Variants in ZSWIM5 observed in about 807,000 individuals in gnomAD.
ZSWIM5 encodes the protein zinc finger SWIM domain-containing protein 5.
ZSWIM5 carries 55 observed loss-of-function variants against 119.6 expected under a neutral mutation model. The ratio of observed to expected loss-of-function variants is 0.46; its 90% CI spans 0.37 to 0.58. The LOEUF (loss-of-function observed/expected upper bound fraction) is 0.58, where lower values mean the gene tolerates loss of function less well. Among genes scored for constraint, ZSWIM5 ranks in the 20% least tolerant of loss-of-function variants. The probability of loss-of-function intolerance (pLI) is 0.00; values close to 1 mark genes in which losing one functional copy is unlikely to be tolerated. For missense variants in ZSWIM5, 1,193 were observed against 1,512.8 expected, an observed-to-expected ratio of 0.79 and a Z score of 3.51; for synonymous variants, 537 against 606.9, an observed-to-expected ratio of 0.88 and a Z score of 1.69.
At chr1:45,079,601 G>A (rs1450117207) in intron 2 of ZSWIM5, among the ~76,000 whole-genome samples, 1 of 152,192 alleles carries the variant, frequency 6.6e-6, no homozygotes, top group Middle Eastern at 3.4e-3. Context: ...AGGTCACTTG[G>A]TGCTCTAGAC....
At chr1:45,200,141 T>C (rs1376124342) in intron 1 of ZSWIM5, among the ~76,000 whole-genome samples, 1 of 152,110 alleles carries the variant, frequency 6.6e-6, no homozygotes, top group Non-Finnish European at 1.5e-5. Context: ...TCAATAAACA[T>C]TTACTGAGCA....
At chr1:45,111,678 T>C (rs1422094918) in intron 1 of ZSWIM5, among the ~76,000 whole-genome samples, 1 of 152,250 alleles carries the variant, frequency 6.6e-6, no homozygotes, top group Admixed American at 6.5e-5. Flanking sequence ...TCCTCCACCT[T>C]CAATGCCAGC....
At chr1:45,029,214 T>C (rs867554254) in intron 11 of ZSWIM5, among the ~76,000 whole-genome samples, 23 of 152,270 alleles carry the variant, frequency 1.5e-4, no homozygotes, top group African/African-American at 4.3e-4. Flanking sequence ...AAAAAGATTT[T>C]ATACAAGTTC....
chr1:45,141,969 A>G (rs1453134506), intron 1 of ZSWIM5, among the ~76,000 whole-genome samples: 4 of 152,066 alleles, frequency 2.6e-5, no homozygotes, highest in African/African-American at 9.7e-5. Flanking sequence ...TTATATTACT[A>G]TATGAGAGGT....
chr1:45,199,294 CTTT>C (rs557544245), intron 1 of ZSWIM5, among the ~76,000 whole-genome samples: 2 of 139,944 alleles, frequency 1.4e-5, no homozygotes, highest in Non-Finnish European at 1.6e-5. Flanking sequence ...CTTCAATAGT[CTTT>C]TTTTTTTTTT....
At chr1:45,115,186 G>A (rs1285963098) in intron 1 of ZSWIM5, among the ~76,000 whole-genome samples, 2 of 152,214 alleles carry the variant, frequency 1.3e-5, no homozygotes, top group African/African-American at 4.8e-5. Context: ...GTGGCCGCCG[G>A]GCAGAGGGGC....
In ZSWIM5 at chr1:45,052,187, G is replaced by A. The variant is rs1370833223; in HGVS notation, c.1253-934C>T. Among the ~76,000 whole-genome samples, 6 of 150,028 alleles carry A rather than the reference G, an allele frequency of 4.0e-5. No individual in the cohort carries two copies. The East Asian group carries it at 7.9e-4, about 20-fold the overall frequency. ...ATTACAGGCATCCGCCACCATGCCC[G>A]GCTAATTTTTGTATTTTTAGTAGAG... On this transcript the variant is annotated intron_variant, in intron 4 of 13. Transcript: ENST00000359600.
chr1:45,133,116 T>C (rs1454538320), intron 1 of ZSWIM5, among the ~76,000 whole-genome samples: 1 of 152,226 alleles, frequency 6.6e-6, no homozygotes, highest in Non-Finnish European at 1.5e-5. Flanking sequence ...TATAATCTTT[T>C]GGGTATATAC....
chr1:45,074,600 TGGGTC>T (rs1645245005), intron 2 of ZSWIM5, among the ~76,000 whole-genome samples: 3 of 151,946 alleles, frequency 2.0e-5, no homozygotes, highest in Non-Finnish European at 4.4e-5. Flanking sequence ...TTTATTTATT[TGGGTC>T]ATCTCTCTTT....
chr1:45,149,023 C>T (rs1645779135), intron 1 of ZSWIM5, among the ~76,000 whole-genome samples: 2 of 152,056 alleles, frequency 1.3e-5, no homozygotes, highest in African/African-American at 2.4e-5. Context: ...AAGCCCAGCA[C>T]TTTAGAAAGC....
At chr1:45,177,600 T>G (rs763445997) in intron 1 of ZSWIM5, among the ~76,000 whole-genome samples, 23 of 152,118 alleles carry the variant, frequency 1.5e-4, no homozygotes, top group Non-Finnish European at 1.8e-4. Flanking sequence ...TCTCTGCTGC[T>G]TTATAAGACA....
chr1:45,127,602 A>C (rs560406451), intron 1 of ZSWIM5, among the ~76,000 whole-genome samples: 1 of 148,852 alleles, frequency 6.7e-6, no homozygotes, highest in South Asian at 2.1e-4. Flanking sequence ...GGCTAATTTA[A>C]AAAAAAAAAT....
chr1:45,114,510 G>A (rs116296996), intron 1 of ZSWIM5, among the ~76,000 whole-genome samples: 2 of 152,208 alleles, frequency 1.3e-5, no homozygotes, highest in East Asian at 1.9e-4. Context: ...AAGAAGACAC[G>A]GGTAAATTCG....
At chr1:45,106,540 C>T (rs2149020707) in intron 1 of ZSWIM5, among the ~76,000 whole-genome samples, 1 of 147,158 alleles carries the variant, frequency 6.8e-6, no homozygotes, top group African/African-American at 2.5e-5. Context: ...CGCCCATCAT[C>T]TGGGATGTGA....
At chr1:45,130,732 A>G (rs1342498563) in intron 1 of ZSWIM5, among the ~76,000 whole-genome samples, 2 of 152,132 alleles carry the variant, frequency 1.3e-5, no homozygotes, top group African/African-American at 2.4e-5. Context: ...TAGCAATTGC[A>G]CTCCTGGGCA....
At chr1:45,025,887 G>A (rs1644917692) in intron 11 of ZSWIM5, among the ~76,000 whole-genome samples, 1 of 152,076 alleles carries the variant, frequency 6.6e-6, no homozygotes, top group East Asian at 1.9e-4. Context: ...GAGCATCTGT[G>A]TATCATTTAT....
intron 1 of ZSWIM5, among the ~76,000 whole-genome samples, chr1:45,165,010 T>C (rs1645891677): frequency 1.3e-5 from 2 of 152,068 alleles, no homozygotes; most frequent in African/African-American, 4.8e-5. Flanking sequence ...CAACAGAATA[T>C]ACATTCTTCT....
chr1:45,051,829 T>C (rs1306265884), intron 4 of ZSWIM5, among the ~76,000 whole-genome samples: 2 of 152,066 alleles, frequency 1.3e-5, no homozygotes, highest in Non-Finnish European at 2.9e-5. Context: ...AATACCTACT[T>C]TGTAGGGATA....
chr1:45,111,237 A>G (rs1211709810), intron 1 of ZSWIM5, among the ~76,000 whole-genome samples: 1 of 152,190 alleles, frequency 6.6e-6, no homozygotes, highest in East Asian at 1.9e-4. Flanking sequence ...GCATTATTTG[A>G]CATGCAATAT....
Sources: gnomAD v4.1 joint callset for allele counts (sites outside exome capture counted in the v4.1 genomes callset) on GRCh38, gnomAD v4.1.1 for gene constraint, MANE v1.5 for transcripts, NCBI Gene and HGNC (gene_info 2026-07-23, HGNC 2026-07-21) for gene names.